The following CCDC85A variants were observed in gnomAD, a reference collection of about 807,000 sequenced individuals.
CCDC85A encodes the protein coiled-coil domain containing 85A.
In CCDC85A, 38 loss-of-function variants were observed where a neutral mutation model predicts 50.2. The observed-to-expected ratio is 0.76, with a 90% CI of 0.58 to 0.99. CCDC85A has a LOEUF of 0.99. Among genes scored for constraint, CCDC85A ranks in the 50% least tolerant of loss-of-function variants. The pLI is 0.00. For synonymous variants in CCDC85A, 366 were observed against 301.4 expected (o/e 1.21, Z -2.22); for missense variants, 820 against 742.0 (o/e 1.11, Z -1.22).
chr2:56,368,777 TTA>T (rs201995011), intron 3 of CCDC85A, among the ~76,000 whole-genome samples: 1,554 of 151,290 alleles, frequency 0.01, 35 homozygotes, highest in African/African-American at 0.036. Context: ...AATGTGAGTT[TTA>T]GTCAATTGGA....
At chr2:56,336,070 A>C (rs1384016228) in intron 2 of CCDC85A, among the ~76,000 whole-genome samples, 1 of 152,222 alleles carries the variant, frequency 6.6e-6, no homozygotes, top group East Asian at 1.9e-4. Context: ...TAATTCTTAG[A>C]GAGCCACATA....
chr2:56,208,966 G>A (rs1356795681), intron 2 of CCDC85A, among the ~76,000 whole-genome samples: 2 of 152,132 alleles, frequency 1.3e-5, no homozygotes, highest in African/African-American at 2.4e-5. Flanking sequence ...TCTTTCTCAA[G>A]GATATCTTCA....
intron 2 of CCDC85A, among the ~76,000 whole-genome samples, chr2:56,290,936 C>T (rs1671673917): frequency 6.6e-6 from 1 of 152,118 alleles, no homozygotes; most frequent in African/African-American, 2.4e-5. Context: ...TATGCTAAAA[C>T]ACACTGTGGG....
chr2:56,326,454 A>T (rs1228529243), intron 2 of CCDC85A, among the ~76,000 whole-genome samples: 1 of 152,172 alleles, frequency 6.6e-6, no homozygotes, highest in Non-Finnish European at 1.5e-5. Flanking sequence ...TGAAGAAAAA[A>T]TGATAGAATC....
At position 56,376,419 on chromosome 2, in the gene CCDC85A, T is replaced by G. The variant is rs1257892740; in HGVS notation, c.1572+484T>G. ...ACTCTTTCCTCTTCTAAGTAGAAAT[T>G]GGGTTCTCAAACTCCAGTTAATGCC... On this transcript the variant is annotated intron_variant, in intron 5 of 5. Coordinates refer to ENST00000407595, the MANE Select transcript of CCDC85A (RefSeq NM_001080433.2). Among the ~76,000 whole-genome samples the G allele has an allele frequency of 6.6e-5, 10 of 152,280 alleles. No individual in the cohort carries two copies. In the East Asian group the frequency reaches 1.9e-3, roughly 29 times the overall value.
intron 2 of CCDC85A, among the ~76,000 whole-genome samples, chr2:56,219,961 A>T (rs1668250772): frequency 6.6e-6 from 1 of 152,010 alleles, no homozygotes; most frequent in African/African-American, 2.4e-5. Flanking sequence ...AAGTGCAGTG[A>T]TCTATGGGAA....
At chr2:56,321,040 C>G (rs992194427) in intron 2 of CCDC85A, among the ~76,000 whole-genome samples, 1 of 152,016 alleles carries the variant, frequency 6.6e-6, no homozygotes, top group Non-Finnish European at 1.5e-5. Flanking sequence ...AGACAAAAAC[C>G]ACATGATTAT....
intron 2 of CCDC85A, among the ~76,000 whole-genome samples, chr2:56,324,772 C>T (rs532408146): frequency 2.6e-5 from 4 of 151,922 alleles, no homozygotes; most frequent in African/African-American, 9.6e-5. Context: ...TTAAATACTC[C>T]AAGGTAGTAT....
intron 2 of CCDC85A, among the ~76,000 whole-genome samples, chr2:56,321,070 G>A (rs973926464): frequency 6.6e-6 from 1 of 152,076 alleles, no homozygotes; most frequent in Non-Finnish European, 1.5e-5. Context: ...TGCAGAAAAG[G>A]CCTCTGACAA....
chr2:56,332,584 C>A (rs930117895), intron 2 of CCDC85A, among the ~76,000 whole-genome samples: 1 of 152,050 alleles, frequency 6.6e-6, no homozygotes, highest in South Asian at 2.1e-4. Flanking sequence ...ACACTCAGGC[C>A]ATAGCACTCC....
At chr2:56,306,350 A>G (rs998537347) in intron 2 of CCDC85A, among the ~76,000 whole-genome samples, 3 of 151,948 alleles carry the variant, frequency 2.0e-5, no homozygotes, top group Non-Finnish European at 4.4e-5. Flanking sequence ...CTGGTCTTGA[A>G]CTCCTGACCT....
chr2:56,337,693 A>G (rs1471522004), intron 2 of CCDC85A, among the ~76,000 whole-genome samples: 1 of 151,918 alleles, frequency 6.6e-6, no homozygotes, highest in Non-Finnish European at 1.5e-5. Context: ...CCCCTTTCAC[A>G]GGATTTAGTA....
At chr2:56,223,340 C>T (rs1481661947) in intron 2 of CCDC85A, among the ~76,000 whole-genome samples, 3 of 152,132 alleles carry the variant, frequency 2.0e-5, no homozygotes, top group Non-Finnish European at 4.4e-5. Context: ...CAACTCTGCA[C>T]ACAAGAGCAG....
intron 2 of CCDC85A, among the ~76,000 whole-genome samples, chr2:56,285,846 C>T (rs892948945): frequency 2.6e-5 from 4 of 151,964 alleles, no homozygotes; most frequent in Admixed American, 6.6e-5. Context: ...TATGTGTGTT[C>T]GGCTGGTATC....
At chr2:56,186,120 A>G (rs1676033484) in intron 1 of CCDC85A, among the ~76,000 whole-genome samples, 1 of 152,204 alleles carries the variant, frequency 6.6e-6, no homozygotes, top group Admixed American at 6.5e-5. Flanking sequence ...CCGTCTCCCG[A>G]GGCCGAAAGT....
intron 2 of CCDC85A, among the ~76,000 whole-genome samples, chr2:56,310,128 T>C (rs1285186066): frequency 6.6e-6 from 1 of 152,070 alleles, no homozygotes; most frequent in Non-Finnish European, 1.5e-5. Flanking sequence ...CCATTTTCTG[T>C]CTCCATTTTT....
At position 56,263,857 on chromosome 2, in the gene CCDC85A, A is replaced by T. The variant is rs138947207; in HGVS notation, c.1240+70417A>T. ...ATAACACTGGGTTACCTGGGGTTTTAGTCCTTGGCCTTCTTCCTTGTTCTA... is the reference window on the plus strand; with the variant it reads ...ATAACACTGGGTTACCTGGGGTTTTTGTCCTTGGCCTTCTTCCTTGTTCTA... On this transcript the variant is annotated intron_variant, in intron 2 of 5. Transcript: ENST00000407595. Among the ~76,000 whole-genome samples, 192 of 152,284 alleles carry T rather than the reference A, an allele frequency of 1.3e-3. 2 individuals are homozygous for T. The highest frequency in any genetic ancestry group is 7.9e-3 in the East Asian group (41 of 5,168).
intron 3 of CCDC85A, among the ~76,000 whole-genome samples, chr2:56,371,308 C>T (rs1250929807): frequency 6.6e-6 from 1 of 151,912 alleles, no homozygotes; most frequent in Non-Finnish European, 1.5e-5. Flanking sequence ...GACCATGGTG[C>T]ATTTTCTTTT....
intron 2 of CCDC85A, among the ~76,000 whole-genome samples, chr2:56,325,243 A>T (rs149049152): frequency 1.3e-5 from 2 of 152,110 alleles, no homozygotes; most frequent in Non-Finnish European, 2.9e-5. Context: ...CATTATATGT[A>T]TAATTATAGG....
Sources: gnomAD v4.1 joint callset for allele counts (sites outside exome capture counted in the v4.1 genomes callset) on GRCh38, gnomAD v4.1.1 for gene constraint, MANE v1.5 for transcripts, NCBI Gene and HGNC (gene_info 2026-07-23, HGNC 2026-07-21) for gene names.